Variants in BLTP2 observed in about 807,000 individuals in gnomAD.
BLTP2 encodes bridge-like lipid transfer protein family member 2, also known as U937-associated antigen.
the BLTP2 span, chr17:28,617,408 C>T: frequency 2.2e-6 from 2 of 910,080 alleles, no homozygotes; most frequent in South Asian, 3.0e-5. Context: ...TGTTTTCAGG[C>T]TCTACATATG....
chr17:28,642,052 T>C, the BLTP2 span: 6 of 1,614,132 alleles, frequency 3.7e-6, no homozygotes, highest in Non-Finnish European at 5.1e-6. Flanking sequence ...CCAGGGCCAG[T>C]GAAAGCTCCA....
chr17:28,644,589 T>C, the BLTP2 span, among the ~76,000 whole-genome samples: 1 of 152,150 alleles, frequency 6.6e-6, no homozygotes, highest in African/African-American at 2.4e-5. Flanking sequence ...AGAAGGCACT[T>C]TGAGGTCAGA....
the BLTP2 span, chr17:28,617,113 G>A: frequency 2.5e-6 from 3 of 1,177,098 alleles, no homozygotes; most frequent in South Asian, 4.0e-5. Context: ...AGCTGGGCAA[G>A]CTTTCACCCT....
At chr17:28,631,666 C>T in the BLTP2 span, 3 of 1,614,036 alleles carry the variant, frequency 1.9e-6, no homozygotes, top group Non-Finnish European at 2.5e-6. Flanking sequence ...GATAAGGCGC[C>T]GCATCACTGT....
At chr17:28,628,341 G>A in the BLTP2 span, 1 of 1,614,162 alleles carries the variant, frequency 6.2e-7, no homozygotes, top group Non-Finnish European at 8.5e-7. Flanking sequence ...CACTAGTTGG[G>A]ACACCCCGCT....
the BLTP2 span, chr17:28,638,222 A>G: frequency 6.2e-7 from 1 of 1,605,792 alleles, no homozygotes; most frequent in Non-Finnish European, 8.5e-7. Context: ...AAAGCTGTGC[A>G]GGCCCCTATT....
the BLTP2 span, chr17:28,638,208 G>A: frequency 3.7e-6 from 6 of 1,601,614 alleles, no homozygotes; most frequent in Non-Finnish European, 5.1e-6. Flanking sequence ...ATGACAGGAT[G>A]AGGAAAGCTG....
At chr17:28,631,589 G>C in the BLTP2 span, 1 of 1,614,136 alleles carries the variant, frequency 6.2e-7, no homozygotes, top group Non-Finnish European at 8.5e-7. Context: ...TCTTCAGTGG[G>C]TGAGGCCATC....
the BLTP2 span, chr17:28,639,166 A>T: frequency 1.3e-6 from 1 of 773,854 alleles, no homozygotes; most frequent in Non-Finnish European, 2.2e-6. Flanking sequence ...GTCTAATGGG[A>T]AAGATATATA....
the BLTP2 span, chr17:28,617,375 A>G: frequency 7.5e-7 from 1 of 1,325,184 alleles, no homozygotes. Flanking sequence ...GAAGTCTACT[A>G]GACAATTGTT....
At chr17:28,617,214 A>AG in the BLTP2 span, 1 of 1,604,320 alleles carries the variant, frequency 6.2e-7, no homozygotes, top group South Asian at 1.1e-5. Context: ...GGACTAGGAA[A>AG]GGGGAAAAAA....
chr17:28,643,412 C>A, the BLTP2 span: 2 of 1,500,558 alleles, frequency 1.3e-6, no homozygotes, highest in South Asian at 2.3e-5. Flanking sequence ...AGAAATATAG[C>A]TCAAATCACA....
At chr17:28,643,224 G>C in the BLTP2 span, 1 of 1,614,130 alleles carries the variant, frequency 6.2e-7, no homozygotes, top group Non-Finnish European at 8.5e-7. Context: ...CCACCCCAGC[G>C]CTCTGGGAGA....
the BLTP2 span, chr17:28,619,828 T>A: frequency 3.1e-6 from 5 of 1,613,512 alleles, no homozygotes; most frequent in South Asian, 5.5e-5. Context: ...GGAGACTTCC[T>A]GGTTCTCAAA....
At chr17:28,623,864 A>G in the BLTP2 span, 7 of 1,614,208 alleles carry the variant, frequency 4.3e-6, no homozygotes, top group South Asian at 3.3e-5. Flanking sequence ...TTTTGCTTCA[A>G]TGTATCACCA....
At chr17:28,633,004 C>G in the BLTP2 span, 1 of 1,580,208 alleles carries the variant, frequency 6.3e-7, no homozygotes, top group Non-Finnish European at 8.6e-7. Context: ...GCGAAAGGCC[C>G]GGTAGGAGTC....
At chr17:28,638,794 C>T in the BLTP2 span, 5 of 594,452 alleles carry the variant, frequency 8.4e-6, no homozygotes, top group Non-Finnish European at 1.5e-5. Flanking sequence ...AAAGGCTGAA[C>T]TCATCAGTTT....
the BLTP2 span, chr17:28,615,319 G>A: frequency 3.6e-5 from 47 of 1,319,716 alleles, no homozygotes; most frequent in Non-Finnish European, 4.6e-5. Flanking sequence ...AATGAACCAA[G>A]ACAATAAAGA....
chr17:28,636,899 A>AAT, the BLTP2 span: 1 of 1,253,964 alleles, frequency 8.0e-7, no homozygotes, highest in African/African-American at 1.5e-5. Flanking sequence ...AAAAAAAAAA[A>AAT]GACAGAGAAA....
Sources: gnomAD v4.1 joint callset for allele counts (sites outside exome capture counted in the v4.1 genomes callset) on GRCh38, gnomAD v4.1.1 for gene constraint, MANE v1.5 for transcripts, NCBI Gene and HGNC (gene_info 2026-07-23, HGNC 2026-07-21) for gene names.